ACYP2: variants seen among roughly 807,000 people sequenced by gnomAD.
The protein encoded by ACYP2 is acylphosphatase-2.
In ACYP2, 12 loss-of-function variants were observed where a neutral mutation model predicts 11.2. The ratio of observed to expected loss-of-function variants is 1.08; its 90% CI spans 0.69 to 1.74. The LOEUF (loss-of-function observed/expected upper bound fraction) is 1.74, where lower values mean the gene tolerates loss of function less well. Ranked by LOEUF, ACYP2 falls within the 40% of genes most tolerant of loss-of-function variation. The probability of loss-of-function intolerance (pLI) is 0.00; values close to 1 mark genes in which losing one functional copy is unlikely to be tolerated. For synonymous variants in ACYP2, 43 were observed against 32.2 expected (o/e 1.33, Z -1.13); for missense variants, 134 against 101.9 (o/e 1.31, Z -1.35).
At chr2:54,053,543 A>G (rs1245833884) in intron 3 of ACYP2, among the ~76,000 whole-genome samples, 1 of 152,142 alleles carries the variant, frequency 6.6e-6, no homozygotes, top group Non-Finnish European at 1.5e-5. Context: ...TCTCTGTACC[A>G]GTCCCCCTGT....
In ACYP2 at chr2:54,149,154, T is replaced by A. The variant is rs74624240; in HGVS notation, c.404+10406T>A. Among the ~76,000 whole-genome samples, 354 of 152,230 alleles carry A rather than the reference T, an allele frequency of 2.3e-3. 3 individuals are homozygous for A. Among genetic ancestry groups the A allele is most frequent in the African/African-American group, 7.5e-3 (312 of 41,536 alleles). ...ATAGCTATTTTTAAAAAGAGAAAAA[T>A]TTTTTAAAATGCAATGACAGTAAGT... On this transcript the variant is annotated intron_variant, in intron 6 of 6. Transcript: ENST00000607452.
chr2:54,004,245 C>T (rs1156283361), intron 2 of ACYP2, among the ~76,000 whole-genome samples: 2 of 152,044 alleles, frequency 1.3e-5, no homozygotes, highest in Admixed American at 6.6e-5. Flanking sequence ...CCTCGGCCTC[C>T]CAAAGTGCTG....
intron 6 of ACYP2, among the ~76,000 whole-genome samples, chr2:54,275,405 T>G (rs552041965): frequency 6.6e-6 from 1 of 152,336 alleles, no homozygotes; most frequent in Non-Finnish European, 1.5e-5. Flanking sequence ...AAATTGGCTA[T>G]TTCATAGAGG....
chr2:54,292,669 TAC>T (rs3071218), intron 6 of ACYP2, among the ~76,000 whole-genome samples: 9,074 of 148,964 alleles, frequency 0.061, 290 homozygotes, highest in Middle Eastern at 0.094. Flanking sequence ...TATATATGTA[TAC>T]ACACACACAC....
chr2:54,149,942 A>G (rs184389956), intron 6 of ACYP2, among the ~76,000 whole-genome samples: 2 of 152,334 alleles, frequency 1.3e-5, no homozygotes, highest in Non-Finnish European at 2.9e-5. Flanking sequence ...GAAAGGGTAA[A>G]TGTTCTCTCT....
intron 6 of ACYP2, among the ~76,000 whole-genome samples, chr2:54,172,441 A>G (rs1326660043): frequency 1.3e-5 from 2 of 152,152 alleles, no homozygotes; most frequent in Non-Finnish European, 2.9e-5. Context: ...TCTCCAAATC[A>G]TCAAAACTGA....
chr2:53,973,465 C>G (rs1167274742), intron 1 of ACYP2, among the ~76,000 whole-genome samples: 1 of 152,126 alleles, frequency 6.6e-6, no homozygotes, highest in African/African-American at 2.4e-5. Context: ...TAACATTTCA[C>G]CATTGTGATT....
rs375647343 is a variant in ACYP2, at chr2:54,205,356, T to C, written c.404+66608T>C. Among the ~76,000 whole-genome samples, 21 of 152,312 alleles carry C rather than the reference T, an allele frequency of 1.4e-4. No individual in the cohort carries two copies. In the East Asian group the frequency reaches 1.9e-3, roughly 14 times the overall value. On this transcript the variant is annotated intron_variant, in intron 6 of 6. Coordinates refer to ENST00000607452, the MANE Select transcript of ACYP2 (RefSeq NM_001320586.2). ...TGCCCGGAGAGAAGCAGATAGACCA[T>C]CTGCAAGGAAGAGAAGGCTTGGTTT...
chr2:53,995,944 C>T (rs1672552705), intron 2 of ACYP2, among the ~76,000 whole-genome samples: 1 of 151,952 alleles, frequency 6.6e-6, no homozygotes, highest in Admixed American at 6.6e-5. Context: ...ACCAGCCTGG[C>T]CAACGTGGTG....
At chr2:53,995,463 A>ATTATTTTTTATTTATTTAT (rs1215196070) in intron 2 of ACYP2, among the ~76,000 whole-genome samples, 4 of 147,460 alleles carry the variant, frequency 2.7e-5, no homozygotes, top group African/African-American at 7.6e-5. Context: ...ATTCAATGCT[A>ATTATTTTTTATTTATTTAT]TTATTTTTTA....
At chr2:54,281,640 G>A (rs1382853325) in intron 6 of ACYP2, among the ~76,000 whole-genome samples, 1 of 152,076 alleles carries the variant, frequency 6.6e-6, no homozygotes, top group Non-Finnish European at 1.5e-5. Context: ...CTAGGCTCTG[G>A]TATTACGAAG....
At chr2:54,197,354 G>A (rs1464872854) in intron 6 of ACYP2, among the ~76,000 whole-genome samples, 2 of 152,200 alleles carry the variant, frequency 1.3e-5, no homozygotes, top group Non-Finnish European at 2.9e-5. Flanking sequence ...GGGGGAGGAA[G>A]CTGGAACTTC....
At chr2:54,249,492 C>T (rs1168390857) in intron 6 of ACYP2, among the ~76,000 whole-genome samples, 8 of 151,680 alleles carry the variant, frequency 5.3e-5, no homozygotes, top group African/African-American at 1.5e-4. Context: ...TTACATTCTC[C>T]GTCATTTACA....
intron 6 of ACYP2, among the ~76,000 whole-genome samples, chr2:54,256,911 C>T (rs1687567198): frequency 6.6e-6 from 1 of 152,162 alleles, no homozygotes; most frequent in Non-Finnish European, 1.5e-5. Context: ...AGGTGATCCG[C>T]CCATCTTGGC....
chr2:54,030,176 A>G (rs1674509241), intron 2 of ACYP2, among the ~76,000 whole-genome samples: 1 of 152,152 alleles, frequency 6.6e-6, no homozygotes, highest in African/African-American at 2.4e-5. Context: ...CAGGACCTTC[A>G]AGGCCTGTCT....
intron 6 of ACYP2, among the ~76,000 whole-genome samples, chr2:54,139,129 GAGA>G (rs1398946856): frequency 6.6e-6 from 1 of 152,188 alleles, no homozygotes; most frequent in Non-Finnish European, 1.5e-5. Context: ...GGCTGGCCTC[GAGA>G]AGAATTGTGG....
chr2:54,079,126 A>G (rs758830225), intron 4 of ACYP2, among the ~76,000 whole-genome samples: 22 of 152,212 alleles, frequency 1.4e-4, no homozygotes, highest in Non-Finnish European at 2.9e-4. Context: ...GCTGGGAGGT[A>G]TCAAGTTATT....
intron 6 of ACYP2, among the ~76,000 whole-genome samples, chr2:54,178,774 C>G (rs548314626): frequency 8.5e-5 from 13 of 152,144 alleles, no homozygotes; most frequent in Non-Finnish European, 1.8e-4. Context: ...ATTGAAAACA[C>G]TAAGAGTAGG....
intron 2 of ACYP2, among the ~76,000 whole-genome samples, chr2:54,022,263 A>T (rs1170413443): frequency 6.6e-6 from 1 of 151,948 alleles, no homozygotes; most frequent in Non-Finnish European, 1.5e-5. Context: ...CTTACCCCTG[A>T]CAGGGTTCAG....
Sources: gnomAD v4.1 joint callset for allele counts (sites outside exome capture counted in the v4.1 genomes callset) on GRCh38, gnomAD v4.1.1 for gene constraint, MANE v1.5 for transcripts, NCBI Gene and HGNC (gene_info 2026-07-23, HGNC 2026-07-21) for gene names.